The following TJP3 variants were observed in gnomAD, a reference collection of about 807,000 sequenced individuals.
TJP3 encodes the protein tight junction protein 3.
In TJP3, 85 loss-of-function variants were observed where a neutral mutation model predicts 104.2. The observed-to-expected ratio is 0.82, with a 90% CI of 0.68 to 0.98. TJP3 has a LOEUF of 0.98. Among genes scored for constraint, TJP3 ranks in the 50% least tolerant of loss-of-function variants. TJP3 has a pLI of 0.00. For missense variants in TJP3, 1,367 were observed against 1,322.8 expected (o/e 1.03, Z -0.52); for synonymous variants, 550 against 550.6 (o/e 1.00, Z 0.02).
chr19:3,735,902 G>A lies in TJP3; in HGVS notation c.1094G>A (p.Arg365Lys). The part of the protein sequence containing the change: ...LPRESSYDIY[R>K]VPSSQSMEDR... ...AGGGAAAGCAGCTATGACATCTACA[G>A]AGTGCCCAGCAGTCAGAGCATGGAG... Residue 365 changes from arginine to lysine, a missense_variant, in exon 10 of 21, where the codon AGA becomes AAA. Coordinates refer to ENST00000541714, the MANE Select transcript of TJP3 (RefSeq NM_001267560.2). 1 of 1,614,184 alleles carries A rather than the reference G, an allele frequency of 6.2e-7. No homozygotes were observed. Among genetic ancestry groups the A allele is most frequent in the East Asian group, 2.2e-5 (1 of 44,884 alleles).
intron 1 of TJP3, among the ~76,000 whole-genome samples, chr19:3,720,619 G>C (rs988441170): frequency 6.9e-6 from 1 of 145,812 alleles, no homozygotes; most frequent in Admixed American, 6.9e-5. Context: ...CTGGGCGCAG[G>C]TTTTTTTTTT....
intron 1 of TJP3, chr19:3,722,016 C>T (rs2036546855): frequency 6.9e-6 from 4 of 582,008 alleles, no homozygotes. Flanking sequence ...CGCCTACCTA[C>T]ATAACAGGCA....
In TJP3 at chr19:3,728,714, G is replaced by A; in HGVS notation, c.158+1G>A. ...GAGGGCCGGCGGAGGGCAGGCTACA[G>A]TGAGTATCCAGGCAGCTGGGTTCTG... On this transcript the variant is annotated splice_donor_variant, in intron 3 of 20. Coordinates refer to ENST00000541714, the MANE Select transcript of TJP3 (RefSeq NM_001267560.2). LOFTEE classifies it high-confidence loss of function. The A allele has an allele frequency of 6.2e-7, 1 of 1,613,290 alleles. No individual in the cohort carries two copies. Among genetic ancestry groups the A allele is most frequent in the Non-Finnish European group, 8.5e-7 (1 of 1,179,926 alleles).
At position 3,746,139 on chromosome 19, in the gene TJP3, C is replaced by T; in HGVS notation, c.2010+58C>T. Reference sequence around the variant, plus strand: ...TGGATGGGGGAAACCGAGGCCTGGGCATCCAACTGAATGTCCTGACCTGTT... The same window carrying T: ...TGGATGGGGGAAACCGAGGCCTGGGTATCCAACTGAATGTCCTGACCTGTT... On this transcript the variant is annotated intron_variant, in intron 16 of 20. Transcript: ENST00000541714. The surrounding 1 kb of genome is among the most constrained non-coding windows in gnomAD (Gnocchi z 4.1). 1 of 1,499,476 alleles carries T rather than the reference C, an allele frequency of 6.7e-7. No homozygotes were observed. The highest frequency in any genetic ancestry group is 9.1e-7 in the Non-Finnish European group (1 of 1,095,366). The allele number at this position is 1,499,476 out of a possible 1,614,324, so 92.9% of individuals were successfully genotyped here. A position where few individuals can be genotyped will look rare whatever the true frequency, so the allele number is the denominator to read the frequency against.
chr19:3,746,228 G>C lies in TJP3; in HGVS notation c.2010+147G>C. 1.1e-6 allele frequency: 1 copy of C among 891,442 alleles called. No homozygotes were observed. The highest frequency in any genetic ancestry group is 1.7e-6 in the Non-Finnish European group (1 of 580,300). The allele number at this position is 891,442 out of a possible 1,614,324, so 55.2% of individuals were successfully genotyped here. A position where few individuals can be genotyped will look rare whatever the true frequency, so the allele number is the denominator to read the frequency against. On this transcript the variant is annotated intron_variant, in intron 16 of 20. Coordinates refer to ENST00000541714, the MANE Select transcript of TJP3 (RefSeq NM_001267560.2). The surrounding 1 kb of genome is among the most constrained non-coding windows in gnomAD (Gnocchi z 4.1). ...CCCTTTTGGAGGCTTTGTGAGGCAG[G>C]AGGCCCGAGACAGACAAGGGCTTCT...
At chr19:3,738,503 A>G (rs2036767507) in intron 11 of TJP3, 52 bp from the exon 12 acceptor site, 5 of 1,509,242 alleles carry the variant, frequency 3.3e-6, no homozygotes, top group Non-Finnish European at 4.6e-6. Context: ...GATCTCATGC[A>G]CGCCCAAGAG....
rs1395263542 is a variant in TJP3 at position 3,750,193 on chromosome 19, C to T, written c.2657+9C>T. On this transcript the variant is annotated intron_variant, in intron 20 of 20. Transcript: ENST00000541714. ...CGACAGGACAGCATGCGGTAAGAAC[C>T]CCATATTCCAGATTGGGGCCCTCAA... is the stretch of plus-strand genomic sequence containing the variant. 1 of 1,580,614 alleles carries T rather than the reference C, an allele frequency of 6.3e-7. No individual in the cohort carries two copies. The highest frequency in any genetic ancestry group is 8.6e-7 in the Non-Finnish European group (1 of 1,166,330).
intron 1 of TJP3, among the ~76,000 whole-genome samples, chr19:3,710,994 C>T (rs991621209): frequency 3.3e-5 from 5 of 151,510 alleles, no homozygotes; most frequent in African/African-American, 1.2e-4. Flanking sequence ...AGCTCCGCCT[C>T]CCGGGTTCAC....
In TJP3 at chr19:3,728,708, G is replaced by A. The variant is rs1446458110; in HGVS notation, c.153G>A (p.Arg51=). ...TACCTGGAGGGCCGGCGGAGGGCAG[G>A]CTACAGTGAGTATCCAGGCAGCTGG... The part of the protein sequence containing the change: ...DVVPGGPAEG[R]LQTGDHIVMV... The change falls in exon 3 of 21, where the codon AGG becomes AGA. Residue 51 remains arginine (R), a synonymous_variant. Coordinates refer to ENST00000541714, the MANE Select transcript of TJP3 (RefSeq NM_001267560.2). The A allele has an allele frequency of 6.2e-7, 1 of 1,613,394 alleles. No homozygotes were observed. Among genetic ancestry groups the A allele is most frequent in the Non-Finnish European group, 8.5e-7 (1 of 1,179,958 alleles).
rs1165236943 is a variant in TJP3 at position 3,745,650 on chromosome 19, C to T, written c.1940-361C>T. ...CTGTGGGGTCGTAGCCTGAGCAGAGCCCTGGAGTTGGAACTGAGTCTGGGA... is the reference window on the plus strand; with the variant it reads ...CTGTGGGGTCGTAGCCTGAGCAGAGTCCTGGAGTTGGAACTGAGTCTGGGA... On this transcript the variant is annotated intron_variant, in intron 15 of 20. Transcript: ENST00000541714. Among the ~76,000 whole-genome samples the T allele has an allele frequency of 2.0e-5, 3 of 152,074 alleles. No individual in the cohort carries two copies. In the East Asian group the frequency reaches 5.8e-4, roughly 29 times the overall value.
chr19:3,715,106 T>C (rs1302725403), intron 1 of TJP3, among the ~76,000 whole-genome samples: 1 of 151,508 alleles, frequency 6.6e-6, no homozygotes, highest in Non-Finnish European at 1.5e-5. Context: ...TTTTTTTTTT[T>C]TGAGATGGAG....
intron 1 of TJP3, among the ~76,000 whole-genome samples, chr19:3,713,087 C>G (rs966877524): frequency 5.9e-5 from 9 of 152,132 alleles, no homozygotes; most frequent in Admixed American, 5.9e-4. Context: ...AAGTGCCCCC[C>G]ATGAGGTCCT....
At position 3,750,660 on chromosome 19, in the gene TJP3, C is replaced by T; in HGVS notation, c.2736C>T (p.Asp912=). Reference sequence around the variant, plus strand: ...AGTCCTCCGATGAAGACGGCTATGACTGGGGTCCGGCCACTGACCTGTGAC... The same window carrying T: ...AGTCCTCCGATGAAGACGGCTATGATTGGGGTCCGGCCACTGACCTGTGAC... ...DAESSDEDGY[D]WGPATDL The change falls in exon 21 of 21, where the codon GAC becomes GAT. Residue 912 remains aspartate (D), a synonymous_variant. Transcript: ENST00000541714. The T allele has an allele frequency of 6.2e-7, 1 of 1,604,548 alleles. No homozygotes were observed. The highest frequency in any genetic ancestry group is 1.3e-5 in the African/African-American group (1 of 74,970).
At chr19:3,745,815 G>A (rs1362048610) in intron 15 of TJP3, among the ~76,000 whole-genome samples, 196 bp from the exon 16 acceptor site, 1 of 152,204 alleles carries the variant, frequency 6.6e-6, no homozygotes, top group Non-Finnish European at 1.5e-5. Context: ...GGAGGAGGAG[G>A]GGGCTGAGGT....
At position 3,736,204 on chromosome 19, in the gene TJP3, C is replaced by A. The variant is rs761758521; in HGVS notation, c.1167C>A (p.Gly389=). Residue 389 remains glycine, a synonymous_variant, in exon 11 of 21, where the codon GGC becomes GGA. Transcript: ENST00000541714. ...PDTRVVRFLK[G]KSIGLRLAGG... ...CGCGTGTGGTCCGCTTCCTCAAGGGCAAGAGCATCGGGCTGCGGCTGGCAG... is the reference window on the plus strand; with the variant it reads ...CGCGTGTGGTCCGCTTCCTCAAGGGAAAGAGCATCGGGCTGCGGCTGGCAG... 6.3e-7 allele frequency: 1 copy of A among 1,598,930 alleles called. No individual in the cohort carries two copies. Among genetic ancestry groups the A allele is most frequent in the Non-Finnish European group, 8.5e-7 (1 of 1,172,528 alleles).
At chr19:3,741,280 C>T (rs11882351) in intron 14 of TJP3, among the ~76,000 whole-genome samples, 3,358 of 152,216 alleles carry the variant, frequency 0.022, 108 homozygotes, top group African/African-American at 0.076. Context: ...AGATTACAGG[C>T]GTGAGCCACC....
chr19:3,714,211 G>A (rs1047137756), intron 1 of TJP3, among the ~76,000 whole-genome samples: 2 of 151,724 alleles, frequency 1.3e-5, no homozygotes, highest in East Asian at 1.9e-4. Context: ...CGCCACACCC[G>A]GCTAATTTTT....
chr19:3,734,197 A>G (rs2036707757), intron 7 of TJP3, 130 bp from the exon 8 acceptor site: 1 of 1,054,560 alleles, frequency 9.5e-7, no homozygotes. Context: ...CCAGAGCCGA[A>G]TCTTCTAACT....
intron 18 of TJP3, among the ~76,000 whole-genome samples, chr19:3,747,136 C>T (rs2036907836): frequency 6.6e-6 from 1 of 152,068 alleles, no homozygotes; most frequent in African/African-American, 2.4e-5. Flanking sequence ...TCTCAGCTTG[C>T]TGCAACCTCC....
Sources: gnomAD v4.1 joint callset for allele counts (sites outside exome capture counted in the v4.1 genomes callset) on GRCh38, gnomAD v4.1.1 for gene constraint, Gnocchi (gnomAD v3.1) non-coding constraint, MANE v1.5 for transcripts, NCBI Gene and HGNC (gene_info 2026-07-23, HGNC 2026-07-21) for gene names.